The following SGIP1 variants were observed in gnomAD, a reference collection of about 807,000 sequenced individuals.
The protein encoded by SGIP1 is SH3GL interacting endocytic adaptor 1.
SGIP1 carries 38 observed loss-of-function variants against 107.5 expected under a neutral mutation model. The observed-to-expected ratio is 0.35, with a 90% confidence interval of 0.27 to 0.46. The LOEUF is 0.46. Ranked by LOEUF, SGIP1 falls within the 20% of genes least tolerant of loss-of-function variation. The pLI is 1.00. For missense variants in SGIP1, 929 were observed against 1,019.5 expected (o/e 0.91, Z 1.21); for synonymous variants, 365 against 366.1 (o/e 1.00, Z 0.03).
chr1:66,707,561 A>G (rs2092610384), intron 18 of SGIP1, among the ~76,000 whole-genome samples: 1 of 152,188 alleles, frequency 6.6e-6, no homozygotes. Context: ...GAAATTTTTG[A>G]CAGATACAGT....
At chr1:66,579,817 A>G (rs188409106) in intron 1 of SGIP1, among the ~76,000 whole-genome samples, 24 of 152,270 alleles carry the variant, frequency 1.6e-4, no homozygotes, top group Non-Finnish European at 3.1e-4. Context: ...ACAACTGGTC[A>G]TTCTCTCCTC....
chr1:66,639,850 T>A lies in SGIP1; in HGVS notation c.228+17T>A, dbSNP rs2076447699. Reference sequence around the variant, plus strand: ...GAAAGATATGTGAGTATCAGAAGAGTGTTTCTCTTTATTAAGTATTTTACA... The same window carrying A: ...GAAAGATATGTGAGTATCAGAAGAGAGTTTCTCTTTATTAAGTATTTTACA... On this transcript the variant is annotated intron_variant, in intron 5 of 24. Coordinates refer to ENST00000371037, the MANE Select transcript of SGIP1 (RefSeq NM_032291.4). The A allele has an allele frequency of 6.3e-7, 1 of 1,599,702 alleles. No homozygotes were observed. Among genetic ancestry groups the A allele is most frequent in the South Asian group, 1.1e-5 (1 of 89,880 alleles).
chr1:66,679,651 G>A (rs780615098), intron 13 of SGIP1, 27 bp from the exon 14 acceptor site: 15 of 1,597,988 alleles, frequency 9.4e-6, no homozygotes, highest in South Asian at 5.7e-5. Context: ...CATGACCAAT[G>A]ATACTTAATT....
intron 1 of SGIP1, among the ~76,000 whole-genome samples, chr1:66,613,973 C>G (rs187530149): frequency 1.3e-5 from 2 of 152,260 alleles, no homozygotes; most frequent in African/African-American, 4.8e-5. Context: ...TGCTCCAGAG[C>G]TTGGATGACT....
At chr1:66,722,356 C>T (rs79575824) in intron 19 of SGIP1, among the ~76,000 whole-genome samples, 3,672 of 152,268 alleles carry the variant, frequency 0.024, 60 homozygotes, top group Non-Finnish European at 0.035. Flanking sequence ...ACCTCATGTT[C>T]TCTGTCTCCA....
chr1:66,631,641 C>T (rs1242127209), intron 2 of SGIP1, among the ~76,000 whole-genome samples: 3 of 151,850 alleles, frequency 2.0e-5, no homozygotes, highest in Admixed American at 2.0e-4. Flanking sequence ...ATCCTACCAA[C>T]TCTCTGCATT....
At chr1:66,686,343 T>A (rs556384274) in intron 15 of SGIP1, among the ~76,000 whole-genome samples, 24 of 152,320 alleles carry the variant, frequency 1.6e-4, no homozygotes, top group African/African-American at 5.8e-4. Flanking sequence ...ACAAATGGAT[T>A]GAGAGCATGT....
At chr1:66,641,160 T>C (rs2076721579) in intron 5 of SGIP1, among the ~76,000 whole-genome samples, 3 of 152,140 alleles carry the variant, frequency 2.0e-5, no homozygotes, top group Admixed American at 6.5e-5. Context: ...GAAGTCTAGA[T>C]ATCTAATGTA....
At chr1:66,676,704 C>T (rs542376881) in intron 12 of SGIP1, among the ~76,000 whole-genome samples, 2 of 152,228 alleles carry the variant, frequency 1.3e-5, no homozygotes, top group East Asian at 3.9e-4. Context: ...AGTACATGTA[C>T]TGATACTCAG....
At chr1:66,687,712 C>T (rs927930479) in intron 15 of SGIP1, among the ~76,000 whole-genome samples, 4 of 152,140 alleles carry the variant, frequency 2.6e-5, no homozygotes, top group South Asian at 2.1e-4. Flanking sequence ...ATACCTACCT[C>T]CAAAGCTTAT....
At chr1:66,586,041 G>T (rs976667753) in intron 1 of SGIP1, among the ~76,000 whole-genome samples, 1 of 152,136 alleles carries the variant, frequency 6.6e-6, no homozygotes. Flanking sequence ...CAGCTCTATT[G>T]TTTAGTGCCT....
intron 7 of SGIP1, among the ~76,000 whole-genome samples, chr1:66,646,254 T>C (rs1384197288): frequency 1.3e-5 from 2 of 152,168 alleles, no homozygotes; most frequent in Non-Finnish European, 2.9e-5. Context: ...GATTTTGGAC[T>C]TTCATGTCTC....
At chr1:66,598,349 A>C (rs529877640) in intron 1 of SGIP1, among the ~76,000 whole-genome samples, 1 of 152,206 alleles carries the variant, frequency 6.6e-6, no homozygotes, top group African/African-American at 2.4e-5. Context: ...CAGTTTCCCA[A>C]CTGTGTGCCT....
chr1:66,698,555 T>C (rs1278219613), intron 18 of SGIP1, among the ~76,000 whole-genome samples: 1 of 152,048 alleles, frequency 6.6e-6, no homozygotes, highest in Non-Finnish European at 1.5e-5. Flanking sequence ...ATTTTTTGTA[T>C]TTTTAGTAGG....
At chr1:66,740,507 A>C in intron 22 of SGIP1, 151 bp from the exon 23 acceptor site, 1 of 643,674 alleles carries the variant, frequency 1.6e-6, no homozygotes, top group Non-Finnish European at 2.7e-6. Context: ...TATGTCTGGG[A>C]GGGGAGAGAG....
chr1:66,559,115 A>G (rs2058584298), intron 1 of SGIP1, among the ~76,000 whole-genome samples: 1 of 152,098 alleles, frequency 6.6e-6, no homozygotes, highest in Admixed American at 6.6e-5. Flanking sequence ...GGGCTCAAGC[A>G]TCCTTGGGCA....
intron 15 of SGIP1, among the ~76,000 whole-genome samples, chr1:66,687,447 T>C (rs2088662690): frequency 6.8e-6 from 1 of 147,802 alleles, no homozygotes; most frequent in African/African-American, 2.5e-5. Context: ...AAAACATACC[T>C]TTTTTTTTTA....
At chr1:66,579,754 C>T (rs2061564276) in intron 1 of SGIP1, among the ~76,000 whole-genome samples, 1 of 152,122 alleles carries the variant, frequency 6.6e-6, no homozygotes, top group Non-Finnish European at 1.5e-5. Context: ...GAAGACTTTC[C>T]TCAAGCATCA....
intron 7 of SGIP1, among the ~76,000 whole-genome samples, chr1:66,645,819 GATAGAT>G (rs934111883): frequency 3.3e-5 from 5 of 152,100 alleles, no homozygotes; most frequent in Admixed American, 6.6e-5. Flanking sequence ...TGTAAATATA[GATAGAT>G]ATAGATATAG....
Sources: gnomAD v4.1 joint callset for allele counts (sites outside exome capture counted in the v4.1 genomes callset) on GRCh38, gnomAD v4.1.1 for gene constraint, MANE v1.5 for transcripts, NCBI Gene and HGNC (gene_info 2026-07-23, HGNC 2026-07-21) for gene names.